SPATA17: variants seen among roughly 807,000 people sequenced by gnomAD.
SPATA17 encodes spermatogenesis-associated protein 17.
A neutral mutation model predicts 62.2 loss-of-function variants in SPATA17; 53 were observed. That is an observed-to-expected ratio of 0.85 (90% CI 0.68 to 1.07). The LOEUF (loss-of-function observed/expected upper bound fraction) is 1.07, where lower values mean the gene tolerates loss of function less well. Ranked by LOEUF, SPATA17 falls within the 50% of genes least tolerant of loss-of-function variation. The pLI is 0.00. For missense variants in SPATA17, 466 were observed against 425.5 expected (o/e 1.10, Z -0.84); for synonymous variants, 146 against 146.8 (o/e 0.99, Z 0.04).
intron 1 of SPATA17, among the ~76,000 whole-genome samples, chr1:217,638,543 A>G (rs561413555): frequency 5.8e-4 from 89 of 152,330 alleles, no homozygotes; most frequent in Admixed American, 5.7e-3. Flanking sequence ...CTGTCTTATC[A>G]GTTTATCACT....
intron 5 of SPATA17, among the ~76,000 whole-genome samples, chr1:217,707,798 A>G (rs1184649975): frequency 3.3e-5 from 5 of 152,188 alleles, no homozygotes; most frequent in Non-Finnish European, 7.3e-5. Flanking sequence ...TGACCTCACA[A>G]TCAGCCCTAA....
chr1:217,724,505 C>A (rs1021509185), intron 5 of SPATA17, among the ~76,000 whole-genome samples: 3 of 152,000 alleles, frequency 2.0e-5, no homozygotes, highest in Admixed American at 2.0e-4. Context: ...GGAGAATCAC[C>A]TGAACCCAGG....
chr1:217,822,679 C>A (rs1482182906), intron 9 of SPATA17, among the ~76,000 whole-genome samples: 9 of 147,970 alleles, frequency 6.1e-5, no homozygotes, highest in Non-Finnish European at 1.0e-4. Flanking sequence ...TTTTTCATTT[C>A]TTTGTCTCTT....
chr1:217,831,412 T>C (rs1444904951), intron 9 of SPATA17, among the ~76,000 whole-genome samples: 3 of 152,148 alleles, frequency 2.0e-5, no homozygotes. Flanking sequence ...ACCTGGTCTC[T>C]TCTAAATTCC....
At chr1:217,730,799 C>G (rs1672387249) in intron 5 of SPATA17, among the ~76,000 whole-genome samples, 1 of 151,926 alleles carries the variant, frequency 6.6e-6, no homozygotes, top group South Asian at 2.1e-4. Flanking sequence ...TTTAAAAAAA[C>G]TCTGTGATAG....
chr1:217,792,774 A>G (rs1047964819), intron 8 of SPATA17, among the ~76,000 whole-genome samples: 1 of 152,104 alleles, frequency 6.6e-6, no homozygotes, highest in African/African-American at 2.4e-5. Flanking sequence ...ATTATATCAA[A>G]TACAGTTTTT....
intron 10 of SPATA17, among the ~76,000 whole-genome samples, chr1:217,864,764 C>A (rs1675974359): frequency 6.6e-6 from 1 of 151,966 alleles, no homozygotes; most frequent in African/African-American, 2.4e-5. Flanking sequence ...TCTACTCTAT[C>A]AATTACAAAA....
intron 6 of SPATA17, among the ~76,000 whole-genome samples, chr1:217,766,012 C>A (rs1198188849): frequency 6.6e-6 from 1 of 151,782 alleles, no homozygotes; most frequent in East Asian, 1.9e-4. Context: ...CCTGGTATAT[C>A]TTTCTCTGGC....
chr1:217,683,889 ATATT>A (rs1571729105), intron 5 of SPATA17, among the ~76,000 whole-genome samples: 1 of 152,208 alleles, frequency 6.6e-6, no homozygotes, highest in African/African-American at 2.4e-5. Context: ...AGTATCTTGT[ATATT>A]TATTTATGTG....
intron 4 of SPATA17, among the ~76,000 whole-genome samples, chr1:217,678,425 G>C (rs957137650): frequency 6.6e-6 from 1 of 151,598 alleles, no homozygotes; most frequent in Non-Finnish European, 1.5e-5. Context: ...GGCCAGGCTG[G>C]TCTCGAACTC....
intron 3 of SPATA17, among the ~76,000 whole-genome samples, chr1:217,658,096 C>T (rs866428745): frequency 2.0e-5 from 3 of 152,186 alleles, no homozygotes; most frequent in Non-Finnish European, 4.4e-5. Flanking sequence ...GGGATTATTA[C>T]AATTCAACAT....
intron 8 of SPATA17, among the ~76,000 whole-genome samples, chr1:217,793,165 T>G (rs1674041236): frequency 6.6e-6 from 1 of 151,498 alleles, no homozygotes; most frequent in African/African-American, 2.4e-5. Flanking sequence ...AGAAACTATA[T>G]AGAGAGAAGA....
intron 9 of SPATA17, among the ~76,000 whole-genome samples, chr1:217,849,541 A>T (rs556371579): frequency 6.6e-6 from 1 of 151,790 alleles, no homozygotes; most frequent in Non-Finnish European, 1.5e-5. Context: ...ATTAAGAAAT[A>T]AAAAAAAATT....
chr1:217,645,951 T>TATCCA (rs1670171202), intron 1 of SPATA17, among the ~76,000 whole-genome samples: 1 of 152,224 alleles, frequency 6.6e-6, no homozygotes, highest in Non-Finnish European at 1.5e-5. Flanking sequence ...ACTATACTTG[T>TATCCA]ATCTTATGAT....
chr1:217,853,290 A>C (rs1459334021), intron 9 of SPATA17, among the ~76,000 whole-genome samples: 3 of 152,186 alleles, frequency 2.0e-5, no homozygotes, highest in Admixed American at 6.5e-5. Context: ...GTGAAATTAC[A>C]CTTAAATGAA....
intron 3 of SPATA17, chr1:217,665,335 G>C (rs1670672458): frequency 6.6e-6 from 1 of 152,070 alleles, no homozygotes; most frequent in South Asian, 2.1e-4. Context: ...AGGATGCCTT[G>C]CTTTAAGCAA....
intron 1 of SPATA17, among the ~76,000 whole-genome samples, chr1:217,639,860 T>C (rs1670019368): frequency 6.6e-6 from 1 of 152,116 alleles, no homozygotes. Context: ...GACATGTGCA[T>C]CTTCCTCACC....
chr1:217,742,060 C>G lies in SPATA17; in HGVS notation c.481C>G (p.Gln161Glu). ...AAGGGAAGAGAAGAAAAGAGATTACCAAGCCCGAAAGATGCATTACCTCCT... is the reference window on the plus strand; with the variant it reads ...AAGGGAAGAGAAGAAAAGAGATTACGAAGCCCGAAAGATGCATTACCTCCT... ...LEREEKKRDY[Q>E]ARKMHYLLST... The change falls in exon 6 of 11, where the codon CAA becomes GAA. Residue 161 changes from glutamine to glutamate, a missense_variant. Physicochemically the swap from Gln to Glu is conservative, Grantham distance 29 (BLOSUM62 2). Transcript: ENST00000366933. 6.2e-7 allele frequency: 1 copy of G among 1,614,028 alleles called. No individual in the cohort carries two copies. The highest frequency in any genetic ancestry group is 8.5e-7 in the Non-Finnish European group (1 of 1,179,986).
intron 2 of SPATA17, among the ~76,000 whole-genome samples, chr1:217,650,167 G>A (rs1323162920): frequency 5.9e-5 from 9 of 151,864 alleles, no homozygotes; most frequent in South Asian, 2.1e-4. Context: ...TCGAACTCCC[G>A]ACCTCAGGTG....
Sources: gnomAD v4.1 joint callset for allele counts (sites outside exome capture counted in the v4.1 genomes callset) on GRCh38, gnomAD v4.1.1 for gene constraint, MANE v1.5 for transcripts, NCBI Gene and HGNC (gene_info 2026-07-23, HGNC 2026-07-21) for gene names.